PLCB1: variants seen among roughly 807,000 people sequenced by gnomAD.
The protein encoded by PLCB1 is phospholipase C beta 1.
A neutral mutation model predicts 161.8 loss-of-function variants in PLCB1; 46 were observed. The ratio of observed to expected loss-of-function variants is 0.28; its 90% confidence interval spans 0.22 to 0.36. The LOEUF is 0.36. Among genes scored for constraint, PLCB1 ranks in the 10% least tolerant of loss-of-function variants. The pLI is 1.00. For synonymous variants in PLCB1, 517 were observed against 503.7 expected, an observed-to-expected ratio of 1.03 and a Z score of -0.35; for missense variants, 1,016 against 1,472.5, an observed-to-expected ratio of 0.69 and a Z score of 5.07.
intron 26 of PLCB1, among the ~76,000 whole-genome samples, chr20:8,768,208 G>A (rs902756460): frequency 6.6e-5 from 10 of 152,006 alleles, no homozygotes; most frequent in African/African-American, 1.9e-4. Flanking sequence ...AAATCAAGGT[G>A]TTAGTGGACT....
chr20:8,591,891 C>CCCT (rs1177270585), intron 3 of PLCB1, among the ~76,000 whole-genome samples: 2 of 152,226 alleles, frequency 1.3e-5, no homozygotes, highest in Admixed American at 6.5e-5. Context: ...TTGGGTATCC[C>CCCT]ATATCTGAAA....
At chr20:8,745,627 G>A (rs1404478100) in intron 23 of PLCB1, among the ~76,000 whole-genome samples, 1 of 151,696 alleles carries the variant, frequency 6.6e-6, no homozygotes, top group African/African-American at 2.4e-5. Context: ...TATAATATAT[G>A]TATAATATTT....
At chr20:8,198,154 G>C (rs530499606) in intron 2 of PLCB1, among the ~76,000 whole-genome samples, 6 of 151,982 alleles carry the variant, frequency 3.9e-5, no homozygotes, top group African/African-American at 1.5e-4. Context: ...CTCTTTTTTC[G>C]TTCCATATGA....
chr20:8,310,921 A>G lies in PLCB1; in HGVS notation c.178-60461A>G, dbSNP rs150274129. Among the ~76,000 whole-genome samples the G allele has an allele frequency of 2.2e-3, 341 of 152,296 alleles. 3 individuals are homozygous for G. The highest frequency in any genetic ancestry group is 7.6e-3 in the African/African-American group (316 of 41,562). On this transcript the variant is annotated intron_variant, in intron 2 of 31. Transcript: ENST00000338037. Reference sequence around the variant, plus strand: ...ATTTGTTATTTTTTGTGGCTGCTGCATAGTATTCTATGGTGTATATGCACC... The same window carrying G: ...ATTTGTTATTTTTTGTGGCTGCTGCGTAGTATTCTATGGTGTATATGCACC...
chr20:8,760,181 A>C (rs1981947831), intron 24 of PLCB1, among the ~76,000 whole-genome samples: 1 of 152,186 alleles, frequency 6.6e-6, no homozygotes, highest in Non-Finnish European at 1.5e-5. Flanking sequence ...CCGGGATTAC[A>C]GGAATGAGCC....
intron 2 of PLCB1, among the ~76,000 whole-genome samples, chr20:8,340,575 A>C (rs1413391857): frequency 6.6e-6 from 1 of 151,850 alleles, no homozygotes; most frequent in Non-Finnish European, 1.5e-5. Flanking sequence ...GGCGCCCGCC[A>C]CCACGCCCGG....
chr20:8,554,368 T>C (rs1985878473), intron 3 of PLCB1, among the ~76,000 whole-genome samples: 1 of 152,120 alleles, frequency 6.6e-6, no homozygotes, highest in African/African-American at 2.4e-5. Context: ...TTCCACCAAC[T>C]GGTAAATGAA....
intron 31 of PLCB1, among the ~76,000 whole-genome samples, chr20:8,862,600 G>A (rs1031690119): frequency 1.3e-5 from 2 of 152,106 alleles, no homozygotes; most frequent in African/African-American, 4.8e-5. Context: ...TTTAGACTCA[G>A]AAAGAAATTG....
intron 4 of PLCB1, among the ~76,000 whole-genome samples, chr20:8,644,220 G>A (rs1199123780): frequency 6.6e-6 from 1 of 151,908 alleles, no homozygotes; most frequent in African/African-American, 2.4e-5. Flanking sequence ...CCACCACCCC[G>A]TCTGGGAAGT....
chr20:8,325,019 T>C (rs185556985), intron 2 of PLCB1, among the ~76,000 whole-genome samples: 53 of 152,346 alleles, frequency 3.5e-4, no homozygotes, highest in African/African-American at 9.6e-4. Flanking sequence ...TTCGGGTGCT[T>C]TTCTTGTGAA....
chr20:8,169,279 A>G (rs1159000900), intron 2 of PLCB1, among the ~76,000 whole-genome samples: 3 of 152,202 alleles, frequency 2.0e-5, no homozygotes, highest in Non-Finnish European at 4.4e-5. Context: ...ATCAGATTAT[A>G]GACTCTGAAA....
intron 31 of PLCB1, among the ~76,000 whole-genome samples, chr20:8,870,256 G>A (rs943404936): frequency 6.6e-6 from 1 of 152,234 alleles, no homozygotes; most frequent in Middle Eastern, 3.4e-3. Context: ...TAACTTCTCT[G>A]GGCCACAGAT....
In PLCB1 at chr20:8,481,553, C is replaced by T. The variant is rs141572594; in HGVS notation, c.246+110103C>T. On this transcript the variant is annotated intron_variant, in intron 3 of 31. Transcript: ENST00000338037. ...CAGAATGCTTAATAAACATTTTAAG[C>T]TTGTTCTGCCTTGGCTGTATATTTT... Among the ~76,000 whole-genome samples the T allele has an allele frequency of 3.9e-3, 597 of 152,296 alleles. 3 individuals carry two copies. The highest frequency in any genetic ancestry group is 6.5e-3 in the Non-Finnish European group (443 of 68,008).
At chr20:8,533,326 G>A (rs7509495) in intron 3 of PLCB1, among the ~76,000 whole-genome samples, 17 of 150,524 alleles carry the variant, frequency 1.1e-4, no homozygotes, top group Non-Finnish European at 2.4e-4. Context: ...ATAAACATAC[G>A]TGTGCATGTG....
intron 3 of PLCB1, among the ~76,000 whole-genome samples, chr20:8,395,556 C>T (rs1987745746): frequency 6.6e-6 from 1 of 151,902 alleles, no homozygotes; most frequent in Admixed American, 6.6e-5. Context: ...AAAGGAATAG[C>T]TCTTAGAATA....
At chr20:8,407,298 C>G (rs1978826870) in intron 3 of PLCB1, among the ~76,000 whole-genome samples, 1 of 151,968 alleles carries the variant, frequency 6.6e-6, no homozygotes, top group Non-Finnish European at 1.5e-5. Flanking sequence ...GAGTATCTTC[C>G]AAAGAGTACA....
chr20:8,821,573 T>G (rs1985422841), intron 31 of PLCB1, among the ~76,000 whole-genome samples: 1 of 137,178 alleles, frequency 7.3e-6, no homozygotes, highest in African/African-American at 2.7e-5. Flanking sequence ...ATGACACTTT[T>G]AAAAATGGAG....
At chr20:8,309,511 T>C (rs1984294410) in intron 2 of PLCB1, among the ~76,000 whole-genome samples, 2 of 152,198 alleles carry the variant, frequency 1.3e-5, no homozygotes, top group African/African-American at 4.8e-5. Flanking sequence ...AATGTCATAC[T>C]TGGACAACTA....
chr20:8,710,380 GC>G (rs1396119863), intron 12 of PLCB1, among the ~76,000 whole-genome samples: 3 of 151,972 alleles, frequency 2.0e-5, no homozygotes, highest in Non-Finnish European at 4.4e-5. Flanking sequence ...CTCCCACCAG[GC>G]CCCACTTCCA....
Sources: allele counts gnomAD v4.1 joint callset (sites outside exome capture counted in the v4.1 genomes callset), GRCh38; gene constraint gnomAD v4.1.1; transcripts MANE v1.5; gene names NCBI Gene and HGNC (gene_info 2026-07-23, HGNC 2026-07-21).